Variants in FBXO28 observed in about 807,000 individuals in gnomAD.
FBXO28 encodes the protein F-box only protein 28.
A neutral mutation model predicts 38.1 loss-of-function variants in FBXO28; 8 were observed. The observed-to-expected ratio is 0.21, with a 90% CI of 0.12 to 0.38. The LOEUF (loss-of-function observed/expected upper bound fraction) is 0.38, where lower values mean the gene tolerates loss of function less well. Among genes scored for constraint, FBXO28 ranks in the 10% least tolerant of loss-of-function variants. The pLI is 1.00. For synonymous variants in FBXO28, 168 were observed against 173.8 expected (o/e 0.97, Z 0.26); for missense variants, 345 against 460.6 (o/e 0.75, Z 2.30).
Position 224,142,623 on chromosome 1 carries a change from C to A in FBXO28, c.516+8411C>A, listed in dbSNP as rs904344633. Reference sequence around the variant, plus strand: ...CTGAGGTCAGGAGTTCAAGACCAGCCTGGCCAACATGGTGAAGCCCTGTCT... The same window carrying A: ...CTGAGGTCAGGAGTTCAAGACCAGCATGGCCAACATGGTGAAGCCCTGTCT... On this transcript the variant is annotated intron_variant, in intron 3 of 4. Transcript: ENST00000366862. Among the ~76,000 whole-genome samples, 3 of 151,988 alleles carry A rather than the reference C, an allele frequency of 2.0e-5. No homozygotes were observed. In the South Asian group the frequency reaches 6.2e-4, roughly 32 times the overall value.
intron 1 of FBXO28, among the ~76,000 whole-genome samples, chr1:224,130,264 C>T (rs1021671731): frequency 4.6e-5 from 7 of 152,054 alleles, no homozygotes; most frequent in African/African-American, 1.7e-4. Context: ...ATCGCTTGAA[C>T]CTGGGAGGCG....
chr1:224,153,786 T>G lies in FBXO28; in HGVS notation c.712+449T>G, dbSNP rs143398567. ...AAATACAAAAATGTGCTGGGCATGG[T>G]GGCGCACACCTGTAATCCTAGCTAC... On this transcript the variant is annotated intron_variant, in intron 4 of 4. Coordinates refer to ENST00000366862, the MANE Select transcript of FBXO28 (RefSeq NM_015176.4). Among the ~76,000 whole-genome samples, 44 of 152,106 alleles carry G rather than the reference T, an allele frequency of 2.9e-4. No homozygotes were observed. In the East Asian group the frequency reaches 7.5e-3, roughly 26 times the overall value.
chr1:224,116,692 T>C (rs1358193498), intron 1 of FBXO28, among the ~76,000 whole-genome samples: 1 of 152,226 alleles, frequency 6.6e-6, no homozygotes, highest in African/African-American at 2.4e-5. Context: ...GCTTAGCATC[T>C]AATGTAGACA....
chr1:224,153,291 A>C lies in FBXO28; in HGVS notation c.666A>C (p.Lys222Asn). 6.2e-7 allele frequency: 1 copy of C among 1,611,042 alleles called. No homozygotes were observed. The highest frequency in any genetic ancestry group is 8.5e-7 in the Non-Finnish European group (1 of 1,178,784). The change falls in exon 4 of 5, where the codon AAA becomes AAC. Residue 222 changes from lysine to asparagine, a missense_variant. Transcript: ENST00000366862. ...DEKIVPILKR[K>N]LPGSDVSGRL... ...AGATTGTTCCAATTTTAAAGAGGAAATTACCAGGATCAGATGTTTCTGGAA... is the reference window on the plus strand; with the variant it reads ...AGATTGTTCCAATTTTAAAGAGGAACTTACCAGGATCAGATGTTTCTGGAA...
intron 2 of FBXO28, among the ~76,000 whole-genome samples, 160 bp from the exon 3 acceptor site, chr1:224,133,914 T>C (rs1657115588): frequency 6.6e-6 from 1 of 152,140 alleles, no homozygotes; most frequent in Admixed American, 6.6e-5. Context: ...TTTCTAGGCA[T>C]AGTGATTCAT....
chr1:224,150,461 C>T (rs1351166624), intron 3 of FBXO28, among the ~76,000 whole-genome samples: 1 of 151,614 alleles, frequency 6.6e-6, no homozygotes, highest in Non-Finnish European at 1.5e-5. Flanking sequence ...CCTTTAAATA[C>T]TGATTTTCTA....
chr1:224,150,307 C>T (rs1265062429), intron 3 of FBXO28, among the ~76,000 whole-genome samples: 2 of 152,062 alleles, frequency 1.3e-5, no homozygotes, highest in African/African-American at 2.4e-5. Context: ...GCAACAAGAG[C>T]GAAGCTCCGT....
At chr1:224,119,553 G>C (rs913668950) in intron 1 of FBXO28, among the ~76,000 whole-genome samples, 1 of 152,066 alleles carries the variant, frequency 6.6e-6, no homozygotes, top group Non-Finnish European at 1.5e-5. Context: ...CGTTCTTCCA[G>C]TTCTCACAAA....
chr1:224,140,945 C>CA (rs33940975), intron 3 of FBXO28, among the ~76,000 whole-genome samples: 61,228 of 143,822 alleles, frequency 0.43, 13,100 homozygotes, highest in East Asian at 0.57. Context: ...GATTCTGTCT[C>CA]AAAAAAAAAA....
intron 3 of FBXO28, 153 bp downstream of exon 3, chr1:224,134,365 T>C: frequency 1.8e-6 from 1 of 547,780 alleles, no homozygotes; most frequent in South Asian, 2.9e-5. Context: ...GTTATAAATA[T>C]GTATCATTTG....
chr1:224,136,405 CCT>C (rs1657188151), intron 3 of FBXO28, among the ~76,000 whole-genome samples: 1 of 151,548 alleles, frequency 6.6e-6, no homozygotes. Flanking sequence ...TCTTGTTTTC[CCT>C]GAGATCTTGC....
chr1:224,141,882 G>A (rs1657362870), intron 3 of FBXO28, among the ~76,000 whole-genome samples: 1 of 141,088 alleles, frequency 7.1e-6, no homozygotes, highest in South Asian at 2.3e-4. Flanking sequence ...GCATACTGAG[G>A]CTACATTAAT....
At position 224,144,471 on chromosome 1, in the gene FBXO28, C is replaced by A. The variant is rs114009499; in HGVS notation, c.517-8671C>A. Among the ~76,000 whole-genome samples the A allele has an allele frequency of 1.3e-3, 188 of 149,818 alleles. 1 individual carries two copies. The highest frequency in any genetic ancestry group is 4.5e-3 in the African/African-American group (183 of 40,718). ...GCGAAGACCCTGTCTCAAAAAAAAA[C>A]AAAAAAGGCTAGGTGCAGTGACTCA... On this transcript the variant is annotated intron_variant, in intron 3 of 4. Coordinates refer to ENST00000366862, the MANE Select transcript of FBXO28 (RefSeq NM_015176.4).
chr1:224,122,274 T>C (rs1000579081), intron 1 of FBXO28, among the ~76,000 whole-genome samples: 6 of 152,240 alleles, frequency 3.9e-5, no homozygotes, highest in Non-Finnish European at 5.9e-5. Flanking sequence ...ACATTTGCTT[T>C]ATCTGTTTCA....
At chr1:224,133,352 T>G (rs1657098064) in intron 2 of FBXO28, among the ~76,000 whole-genome samples, 1 of 152,046 alleles carries the variant, frequency 6.6e-6, no homozygotes, top group Admixed American at 6.6e-5. Flanking sequence ...TTAAGATAAT[T>G]TTATTATGTC....
chr1:224,125,197 C>T (rs116016249), intron 1 of FBXO28, among the ~76,000 whole-genome samples: 2,109 of 151,668 alleles, frequency 0.014, 50 homozygotes, highest in African/African-American at 0.045. Context: ...ACACTGCAGC[C>T]TCAAACTCCT....
intron 4 of FBXO28, 107 bp from the exon 5 acceptor site, chr1:224,157,245 A>G: frequency 7.4e-7 from 1 of 1,349,720 alleles, no homozygotes; most frequent in South Asian, 1.5e-5. Context: ...AGAAGAAGAA[A>G]TTATCAGAAG....
At chr1:224,123,231 C>G (rs946682659) in intron 1 of FBXO28, among the ~76,000 whole-genome samples, 1 of 151,896 alleles carries the variant, frequency 6.6e-6, no homozygotes, top group Non-Finnish European at 1.5e-5. Flanking sequence ...TTATCTTACA[C>G]AATAATGAAT....
In FBXO28 at chr1:224,158,528, A is replaced by G. The variant is rs1243899150; in HGVS notation, c.*782A>G. 1 of 152,584 alleles carries G rather than the reference A, an allele frequency of 6.6e-6. No homozygotes were observed. The highest frequency in any genetic ancestry group is 1.5e-5 in the Non-Finnish European group (1 of 68,054). The allele number at this position is 152,584 out of a possible 1,614,324, so 9.5% of individuals were successfully genotyped here. ...GTCTTAGTTTATTTAAACGCTTAAC[A>G]TCTTCCACCGCAACAGCTTGCCTCT... is the stretch of plus-strand genomic sequence containing the variant. On this transcript the variant is annotated 3_prime_UTR_variant, in exon 5 of 5. Transcript: ENST00000366862.
Sources: allele counts gnomAD v4.1 joint callset (sites outside exome capture counted in the v4.1 genomes callset), GRCh38; gene constraint gnomAD v4.1.1; transcripts MANE v1.5; gene names NCBI Gene and HGNC (gene_info 2026-07-23, HGNC 2026-07-21).